BNC2: variants seen among roughly 807,000 people sequenced by gnomAD.
The protein encoded by BNC2 is basonuclin zinc finger protein 2.
In BNC2, 20 loss-of-function variants were observed where a neutral mutation model predicts 76.3. That is an observed-to-expected ratio of 0.26 (90% confidence interval 0.18 to 0.38). The LOEUF is 0.38. Ranked by LOEUF, BNC2 falls within the 10% of genes least tolerant of loss-of-function variation. The pLI, the probability that BNC2 is intolerant of heterozygous loss-of-function variation, is 1.00. For synonymous variants in BNC2, 582 were observed against 514.8 expected, an observed-to-expected ratio of 1.13 and a Z score of -1.77; for missense variants, 1,382 against 1,399.8, an observed-to-expected ratio of 0.99 and a Z score of 0.20.
intron 4 of BNC2, among the ~76,000 whole-genome samples, chr9:16,571,047 T>C (rs1587185117): frequency 2.0e-5 from 3 of 152,280 alleles, no homozygotes; most frequent in African/African-American, 7.2e-5. Context: ...TCAATACAAA[T>C]TGTAAAATGT....
At chr9:16,525,629 G>A (rs780527126) in intron 5 of BNC2, among the ~76,000 whole-genome samples, 1 of 152,098 alleles carries the variant, frequency 6.6e-6, no homozygotes, top group Non-Finnish European at 1.5e-5. Context: ...GAAGGAATAG[G>A]CACACAAATT....
chr9:16,669,558 T>C (rs896024305), intron 3 of BNC2, among the ~76,000 whole-genome samples: 1 of 152,246 alleles, frequency 6.6e-6, no homozygotes, highest in Non-Finnish European at 1.5e-5. Context: ...TTATAAATTC[T>C]TAGTAGAATC....
rs1824399247 is a variant in BNC2, at chr9:16,727,979, C to G, written c.148G>C (p.Asp50His). The G allele has an allele frequency of 6.2e-7, 1 of 1,613,846 alleles. No individual in the cohort carries two copies. The highest frequency in any genetic ancestry group is 8.5e-7 in the Non-Finnish European group (1 of 1,179,996). Reference sequence around the variant, plus strand: ...CTCTGTGTCTCTCTTTCTCTCACATCCACTTCTGCCTCTTCTGACTGAAAA... The same window carrying G: ...CTCTGTGTCTCTCTTTCTCTCACATGCACTTCTGCCTCTTCTGACTGAAAA... ...SQIESEEAEV[D>H]VRERETQRDR... The change falls in exon 3 of 7, where the codon GAT becomes CAT. Residue 50 changes from aspartate (D) to histidine (H), a missense_variant. Asp to His is a moderately conservative substitution (Grantham distance 81, BLOSUM62 -1). This residue lies in a region of BNC2 where 557 missense variants were observed against 540.9 expected (regional missense o/e 1.03). Coordinates refer to ENST00000380672, the MANE Select transcript of BNC2 (RefSeq NM_017637.6).
intron 3 of BNC2, among the ~76,000 whole-genome samples, chr9:16,712,331 T>G (rs1399995223): frequency 6.6e-6 from 1 of 152,222 alleles, no homozygotes; most frequent in African/African-American, 2.4e-5. Flanking sequence ...TTTTACACTA[T>G]GTGTAAAGTT....
At position 16,782,628 on chromosome 9, in the gene BNC2, T is replaced by C. The variant is rs1159737565; in HGVS notation, c.4-44143A>G. Among the ~76,000 whole-genome samples the C allele has an allele frequency of 2.0e-5, 3 of 152,166 alleles. No homozygotes were observed. The East Asian group carries it at 5.8e-4, about 29-fold the overall frequency. ...AAGAATAAAGAGGCAGAGGTGTCAC[T>C]TCCTCCAGGAAGACTTTGGGCACCA... On this transcript the variant is annotated intron_variant, in intron 1 of 6. Transcript: ENST00000380672.
intron 6 of BNC2, chr9:16,434,950 T>G (rs1481446272): frequency 1.3e-5 from 6 of 470,470 alleles, no homozygotes; most frequent in Non-Finnish European, 2.6e-5. Flanking sequence ...CTATCCCATT[T>G]CCTTCTGATA....
intron 5 of BNC2, among the ~76,000 whole-genome samples, chr9:16,550,889 A>T (rs1272437797): frequency 2.0e-5 from 3 of 152,154 alleles, no homozygotes; most frequent in African/African-American, 2.4e-5. Flanking sequence ...GGTAAAATCC[A>T]TTCAAAACAG....
At chr9:16,810,224 T>A (rs1225129063) in intron 1 of BNC2, among the ~76,000 whole-genome samples, 1 of 152,220 alleles carries the variant, frequency 6.6e-6, no homozygotes, top group Non-Finnish European at 1.5e-5. Flanking sequence ...TGTTATGCAA[T>A]CCATAGGACA....
intron 1 of BNC2, among the ~76,000 whole-genome samples, chr9:16,851,691 G>C (rs533395959): frequency 1.1e-4 from 17 of 152,156 alleles, no homozygotes; most frequent in South Asian, 6.2e-4. Flanking sequence ...AAAAACTTAA[G>C]TCACAGATAC....
At chr9:16,514,468 A>G (rs984837510) in intron 5 of BNC2, among the ~76,000 whole-genome samples, 2 of 152,046 alleles carry the variant, frequency 1.3e-5, no homozygotes, top group East Asian at 1.9e-4. Flanking sequence ...TTTTCACCCA[A>G]TGCTGACATC....
At chr9:16,753,752 T>C (rs1825290853) in intron 1 of BNC2, among the ~76,000 whole-genome samples, 2 of 152,208 alleles carry the variant, frequency 1.3e-5, no homozygotes, top group Non-Finnish European at 2.9e-5. Context: ...AAATAATCTA[T>C]TTTTCCACCA....
Position 16,437,158 on chromosome 9 carries a change from C to G in BNC2, c.1036G>C (p.Glu346Gln), listed in dbSNP as rs945575406. Residue 346 changes from glutamate (E) to glutamine (Q), a missense_variant, in exon 6 of 7, where the codon GAG (glutamate) becomes CAG (glutamine). By Grantham distance (29) the Glu-to-Gln change is conservative. Transcript: ENST00000380672. ...LGLPPNGLLL[E>Q]QPGLRLREPS... ...TCCCGCAGCCTCAACCCTGGTTGCT[C>G]TAACAGTAGCCCATTTGGAGGCAAC... 12 of 1,614,044 alleles carry G rather than the reference C, an allele frequency of 7.4e-6. No individual in the cohort carries two copies. The highest frequency in any genetic ancestry group is 1.0e-5 in the Non-Finnish European group (12 of 1,180,038).
intron 1 of BNC2, among the ~76,000 whole-genome samples, chr9:16,820,142 A>AG (rs1554743743): frequency 3.4e-5 from 5 of 148,836 alleles, no homozygotes; most frequent in Middle Eastern, 6.5e-3. Context: ...AAAAAAAAAA[A>AG]GGGCTGGGCG....
At chr9:16,481,499 C>T (rs147625050) in intron 5 of BNC2, among the ~76,000 whole-genome samples, 5 of 152,306 alleles carry the variant, frequency 3.3e-5, no homozygotes, top group Non-Finnish European at 7.3e-5. Flanking sequence ...ACTCCAAACA[C>T]ATCCGAACAT....
At position 16,755,843 on chromosome 9, in the gene BNC2, A is replaced by G. The variant is rs145820141; in HGVS notation, c.4-17358T>C. On this transcript the variant is annotated intron_variant, in intron 1 of 6. Transcript: ENST00000380672. ...TGATTTTCTCCATTTATAAAAGACC[A>G]TTTTATCCTTCTCCGCTTTTCTTAG... Among the ~76,000 whole-genome samples the G allele has an allele frequency of 4.1e-4, 62 of 152,308 alleles. 1 individual carries two copies. In the East Asian group the frequency reaches 0.011, roughly 28 times the overall value.
chr9:16,643,206 T>C (rs759976738), intron 3 of BNC2, among the ~76,000 whole-genome samples: 1 of 151,318 alleles, frequency 6.6e-6, no homozygotes, highest in Non-Finnish European at 1.5e-5. Context: ...CTCGGGAGGC[T>C]GAGGCAGGAG....
chr9:16,685,703 G>T, intron 3 of BNC2: 1 of 1,033,862 alleles, frequency 9.7e-7, no homozygotes, highest in Non-Finnish European at 1.3e-6. Context: ...CTTGACCCAG[G>T]CAGAGAGAGG....
chr9:16,811,382 C>G (rs984530877), intron 1 of BNC2, among the ~76,000 whole-genome samples: 2 of 151,362 alleles, frequency 1.3e-5, no homozygotes, highest in Non-Finnish European at 2.9e-5. Flanking sequence ...GAAACCCCAT[C>G]TCTACTAAAA....
chr9:16,756,087 CCTTT>C (rs1286707548), intron 1 of BNC2, among the ~76,000 whole-genome samples: 1 of 152,172 alleles, frequency 6.6e-6, no homozygotes, highest in Non-Finnish European at 1.5e-5. Context: ...AAGGGACAAC[CCTTT>C]CTTTGTCTCT....
Sources: gnomAD v4.1 joint callset for allele counts (sites outside exome capture counted in the v4.1 genomes callset) on GRCh38, gnomAD v4.1.1 for gene constraint, gnomAD v4.1.1 regional missense constraint, MANE v1.5 for transcripts, NCBI Gene and HGNC (gene_info 2026-07-23, HGNC 2026-07-21) for gene names.